The following TMEM91 variants were observed in gnomAD, a reference collection of about 807,000 sequenced individuals.
The protein encoded by TMEM91 is dispanin subfamily C member 3.
TMEM91 carries 6 observed loss-of-function variants against 13.3 expected under a neutral mutation model. That is an observed-to-expected ratio of 0.45 (90% confidence interval 0.25 to 0.89). TMEM91 has a LOEUF of 0.89. TMEM91 is among the 40% of genes least tolerant of loss of function. The probability of loss-of-function intolerance (pLI) is 0.19; values close to 1 mark genes in which losing one functional copy is unlikely to be tolerated. For missense variants in TMEM91, 193 were observed against 228.7 expected, an observed-to-expected ratio of 0.84 and a Z score of 1.01; for synonymous variants, 87 against 101.7, an observed-to-expected ratio of 0.86 and a Z score of 0.87.
At chr19:41,379,701 A>G (rs2038830000) in intron 2 of TMEM91, among the ~76,000 whole-genome samples, 1 of 151,934 alleles carries the variant, frequency 6.6e-6, no homozygotes, top group South Asian at 2.1e-4. Flanking sequence ...AAGCAGAAAG[A>G]AAGGAAGGCA....
upstream of TMEM91, among the ~76,000 whole-genome samples, chr19:41,372,149 C>G (rs1308001656): frequency 6.6e-6 from 1 of 151,988 alleles, no homozygotes; most frequent in Non-Finnish European, 1.5e-5. Context: ...GAGTTCGAGA[C>G]CAGCCTGGGC....
intron 3 of TMEM91, chr19:41,383,129 C>A (rs1348328724): frequency 1.6e-6 from 1 of 626,170 alleles, no homozygotes; most frequent in South Asian, 2.3e-5. Context: ...TCTCGGCTCA[C>A]TGCAATCTCT....
upstream of TMEM91, among the ~76,000 whole-genome samples, chr19:41,371,696 G>A (rs116614648): frequency 0.011 from 1,636 of 152,084 alleles, 37 homozygotes; most frequent in African/African-American, 0.037. Flanking sequence ...GAGATCACAC[G>A]TATGAGCCAC....
At chr19:41,371,368 T>TCCTTCCTC (rs1208598832) in intron 1 of TMEM91, among the ~76,000 whole-genome samples, 5 of 132,658 alleles carry the variant, frequency 3.8e-5, no homozygotes, top group African/African-American at 1.5e-4. Context: ...CTTCCTTCCT[T>TCCTTCCTC]CTTTCCTTCC....
At chr19:41,371,755 T>C (rs2038628025), upstream of TMEM91, among the ~76,000 whole-genome samples, 1 of 152,122 alleles carries the variant, frequency 6.6e-6, no homozygotes, top group South Asian at 2.1e-4. Context: ...GTGACTACTC[T>C]AAGTACGTCA....
At position 41,382,900 on chromosome 19, in the gene TMEM91, T is replaced by TA. The variant is rs779152075; in HGVS notation, c.339_340insA (p.Ala114SerfsTer?). 1 of 1,614,194 alleles carries TA rather than the reference T, an allele frequency of 6.2e-7. No homozygotes were observed. Among genetic ancestry groups the TA allele is most frequent in the African/African-American group, 1.3e-5 (1 of 75,056 alleles). ...GTTGTTTCTGGCCCGTTGGCATCGC[T>TA]GCCTTCTGTCTAGCCCAGAAGGTCA... On this transcript the variant is annotated frameshift_variant, in exon 3 of 4. Transcript: ENST00000392002. LOFTEE classifies it high-confidence loss of function.
chr19:41,372,116 G>C (rs1483234198), upstream of TMEM91, among the ~76,000 whole-genome samples: 2 of 151,948 alleles, frequency 1.3e-5, no homozygotes, highest in Non-Finnish European at 2.9e-5. Context: ...TAGGGGGCGG[G>C]GGTGGGGATC....
chr19:41,372,799 T>C (rs2038645024), upstream of TMEM91, among the ~76,000 whole-genome samples: 1 of 152,128 alleles, frequency 6.6e-6, no homozygotes, highest in South Asian at 2.1e-4. Flanking sequence ...TTTTTTTTGT[T>C]ATAATAAGTA....
At chr19:41,371,370 TTTCCTTCC>T (rs1242141367) in intron 1 of TMEM91, among the ~76,000 whole-genome samples, 2 of 74,580 alleles carry the variant, frequency 2.7e-5, no homozygotes, top group Non-Finnish European at 5.7e-5. Context: ...TCCTTCCTTC[TTTCCTTCC>T]TTCCTTCTTT....
At chr19:41,364,343 G>A (rs2038476206) in intron 1 of TMEM91, among the ~76,000 whole-genome samples, 1 of 152,196 alleles carries the variant, frequency 6.6e-6, no homozygotes, top group Non-Finnish European at 1.5e-5. Context: ...CTGCCATGTT[G>A]AGTGTGGCTG....
upstream of TMEM91, among the ~76,000 whole-genome samples, chr19:41,375,297 T>TTTTTTTTTTTTTTTTTTTTC (rs869066634): frequency 1.8e-5 from 2 of 113,260 alleles, no homozygotes; most frequent in Non-Finnish European, 3.6e-5. Flanking sequence ...TTTTTTTTTT[T>TTTTTTTTTTTTTTTTTTTTC]TGAGACGGAG....
intron 2 of TMEM91, among the ~76,000 whole-genome samples, chr19:41,380,383 C>G (rs1340581956): frequency 3.3e-5 from 5 of 152,148 alleles, no homozygotes; most frequent in African/African-American, 1.2e-4. Flanking sequence ...CCACCACATT[C>G]TATTAATTAC....
At chr19:41,364,920 G>A (rs2038489697) in intron 1 of TMEM91, among the ~76,000 whole-genome samples, 1 of 151,852 alleles carries the variant, frequency 6.6e-6, no homozygotes. Flanking sequence ...TGTCACCCAG[G>A]CTGGAGTACG....
chr19:41,368,425 T>TGGG (rs922959816), intron 1 of TMEM91, among the ~76,000 whole-genome samples: 1 of 124,754 alleles, frequency 8.0e-6, no homozygotes, highest in Non-Finnish European at 1.6e-5. Flanking sequence ...ACCTTTTTTT[T>TGGG]GGGGGGGGTG....
intron 2 of TMEM91, among the ~76,000 whole-genome samples, chr19:41,379,902 T>A (rs2038837971): frequency 1.4e-5 from 2 of 147,008 alleles, no homozygotes; most frequent in South Asian, 4.4e-4. Flanking sequence ...TTTTTTTTTT[T>A]TTTTTTTTTG....
At chr19:41,382,261 G>A (rs995300416) in intron 2 of TMEM91, among the ~76,000 whole-genome samples, 3 of 152,186 alleles carry the variant, frequency 2.0e-5, no homozygotes, top group African/African-American at 7.2e-5. Flanking sequence ...CTCTGGGTGT[G>A]GGTGGGGCTC....
chr19:41,373,051 A>G (rs983454066), upstream of TMEM91, among the ~76,000 whole-genome samples: 1 of 152,020 alleles, frequency 6.6e-6, no homozygotes, highest in African/African-American at 2.4e-5. Flanking sequence ...CAATCCTCCT[A>G]TCTCAGTTTC....
At chr19:41,374,553 G>A (rs2038675223), upstream of TMEM91, 1 of 152,140 alleles carries the variant, frequency 6.6e-6, no homozygotes, top group Non-Finnish European at 1.5e-5. Context: ...GACATTTGTT[G>A]TTGCAGCAAC....
chr19:41,377,885 T>C (rs2038761592), intron 1 of TMEM91, among the ~76,000 whole-genome samples: 1 of 150,890 alleles, frequency 6.6e-6, no homozygotes, highest in South Asian at 2.1e-4. Context: ...GGCATGGTGG[T>C]GGGCGCCTGT....
Sources: gnomAD v4.1 joint callset for allele counts (sites outside exome capture counted in the v4.1 genomes callset) on GRCh38, gnomAD v4.1.1 for gene constraint, MANE v1.5 for transcripts, NCBI Gene and HGNC (gene_info 2026-07-23, HGNC 2026-07-21) for gene names.